Variants in OTULIN observed in about 807,000 individuals in gnomAD.
The protein encoded by OTULIN is ubiquitin thioesterase otulin.
Under a neutral mutation model 39.6 loss-of-function variants are expected in OTULIN, and 15 were observed. The ratio of observed to expected loss-of-function variants is 0.38; its 90% confidence interval spans 0.25 to 0.58. The LOEUF is 0.58. Ranked by LOEUF, OTULIN falls within the 20% of genes least tolerant of loss-of-function variation. OTULIN has a pLI of 0.66. For missense variants in OTULIN, 319 were observed against 445.9 expected, an observed-to-expected ratio of 0.72 and a Z score of 2.56; for synonymous variants, 156 against 170.3, an observed-to-expected ratio of 0.92 and a Z score of 0.65.
chr5:14,702,210 G>A (rs1373753352), downstream of OTULIN, among the ~76,000 whole-genome samples: 1 of 152,204 alleles, frequency 6.6e-6, no homozygotes, highest in Non-Finnish European at 1.5e-5. Flanking sequence ...GGGTGCTCCT[G>A]TGACTCCTCT....
intron 4 of OTULIN, among the ~76,000 whole-genome samples, chr5:14,685,244 C>T (rs1354256781): frequency 1.3e-5 from 2 of 152,166 alleles, no homozygotes; most frequent in Non-Finnish European, 2.9e-5. Flanking sequence ...TATTTGCTTT[C>T]TGTTGTGGTA....
At position 14,664,975 on chromosome 5, in the gene OTULIN, G is replaced by A. The variant is rs1458926384; in HGVS notation, c.150G>A (p.Glu50=). Residue 50 remains glutamate, a splice_region_variant and synonymous_variant, in exon 1 of 7, where the codon GAG becomes GAA. Transcript: ENST00000284274. ...GGCCCGAGATGCAGTGCCCGGCCGA[G>A]CAGTGAGTCCGCGGGGGCGCGGGGC... ...QPRPEMQCPA[E]HEEDMYRAAD... The A allele has an allele frequency of 2.8e-6, 3 of 1,079,396 alleles. No individual in the cohort carries two copies. Among genetic ancestry groups the A allele is most frequent in the Non-Finnish European group, 3.4e-6 (3 of 891,572 alleles). The allele number at this position is 1,079,396 out of a possible 1,614,324, so 66.9% of individuals were successfully genotyped here. A position where few individuals can be genotyped will look rare whatever the true frequency, so the allele number is the denominator to read the frequency against.
intron 1 of OTULIN, among the ~76,000 whole-genome samples, chr5:14,668,517 C>G (rs1735905888): frequency 6.6e-6 from 1 of 152,186 alleles, no homozygotes; most frequent in Non-Finnish European, 1.5e-5. Context: ...TTTGCTTTTC[C>G]TGTGCCTGTG....
At chr5:14,684,326 C>T (rs1736331548) in intron 4 of OTULIN, among the ~76,000 whole-genome samples, 2 of 152,256 alleles carry the variant, frequency 1.3e-5, no homozygotes, top group Non-Finnish European at 2.9e-5. Flanking sequence ...GCTGTTCCAG[C>T]CCTCAGCAAT....
At chr5:14,706,788 A>C in the OTULIN span, 1 of 152,200 alleles carries the variant, frequency 6.6e-6, no homozygotes, top group Non-Finnish European at 1.5e-5. Flanking sequence ...ATAGAGATTC[A>C]AAATAACCAC....
the OTULIN span, chr5:14,711,393 G>A: frequency 8.3e-7 from 1 of 1,203,594 alleles, no homozygotes; most frequent in Admixed American, 1.7e-5. Context: ...ACAACACCGG[G>A]GTCTTGGGGG....
chr5:14,666,322 G>A (rs1735843482), intron 1 of OTULIN, among the ~76,000 whole-genome samples: 1 of 152,200 alleles, frequency 6.6e-6, no homozygotes, highest in Non-Finnish European at 1.5e-5. Flanking sequence ...TAGGAAGAGT[G>A]CTCTTTCTTG....
intron 2 of OTULIN, 28 bp from the exon 3 acceptor site, chr5:14,678,652 GC>G: frequency 8.0e-7 from 1 of 1,242,392 alleles, no homozygotes. Context: ...TTTATTATTT[GC>G]TTTTTTTTTT....
downstream of OTULIN, among the ~76,000 whole-genome samples, chr5:14,702,005 G>C (rs1313121769): frequency 6.6e-6 from 1 of 152,194 alleles, no homozygotes; most frequent in Non-Finnish European, 1.5e-5. Flanking sequence ...GGAAACACTC[G>C]AGCCTCGTGG....
Position 14,664,852 on chromosome 5 carries a change from C to T in OTULIN, c.27C>T (p.Pro9=). MSRGTMPQ[P]EAWPGASCAE... ...TGAGTCGGGGGACTATGCCCCAGCCCGAAGCGTGGCCAGGCGCGAGCTGCG... is the reference window on the plus strand; with the variant it reads ...TGAGTCGGGGGACTATGCCCCAGCCTGAAGCGTGGCCAGGCGCGAGCTGCG... Residue 9 remains proline (P), a synonymous_variant, in exon 1 of 7, where the codon CCC becomes CCT. Transcript: ENST00000284274. The T allele has an allele frequency of 1.6e-5, 19 of 1,212,338 alleles. No individual in the cohort carries two copies. The highest frequency in any genetic ancestry group is 1.8e-5 in the Non-Finnish European group (18 of 974,666). The allele number at this position is 1,212,338 out of a possible 1,614,324, so 75.1% of individuals were successfully genotyped here. A position where few individuals can be genotyped will look rare whatever the true frequency, so the allele number is the denominator to read the frequency against.
downstream of OTULIN, among the ~76,000 whole-genome samples, chr5:14,701,111 C>G (rs1736787936): frequency 1.3e-5 from 2 of 152,214 alleles, no homozygotes; most frequent in Admixed American, 1.3e-4. Context: ...TGTTCTCATT[C>G]TCTCATGGGG....
chr5:14,708,467 T>A, the OTULIN span: 2 of 152,192 alleles, frequency 1.3e-5, no homozygotes, highest in African/African-American at 4.8e-5. Context: ...TTTGGGGGAA[T>A]GTTTCTTTGG....
chr5:14,667,772 G>T (rs77827753), intron 1 of OTULIN, among the ~76,000 whole-genome samples: 15,517 of 152,182 alleles, frequency 0.1, 882 homozygotes, highest in African/African-American at 0.16. Context: ...AGCTGTGGTT[G>T]GCTCACATCT....
At chr5:14,711,459 C>T in the OTULIN span, 2 of 678,388 alleles carry the variant, frequency 2.9e-6, no homozygotes, top group South Asian at 3.4e-5. Flanking sequence ...ACCTCTTTTG[C>T]ATCTTAGCTC....
chr5:14,673,878 C>T, intron 2 of OTULIN, 160 bp downstream of exon 2: 1 of 502,886 alleles, frequency 2.0e-6, no homozygotes, highest in South Asian at 3.3e-5. Flanking sequence ...GAGACTGTTT[C>T]CTGAGGCTTT....
chr5:14,665,086 T>G (rs1240918771), intron 1 of OTULIN, 109 bp downstream of exon 1: 33 of 873,754 alleles, frequency 3.8e-5, no homozygotes, highest in Non-Finnish European at 4.6e-5. Flanking sequence ...GCGTCTTCAA[T>G]TCTGAGTGAG....
At chr5:14,706,559 A>G in the OTULIN span, 1 of 152,170 alleles carries the variant, frequency 6.6e-6, no homozygotes, top group Non-Finnish European at 1.5e-5. Context: ...AGTATACTAT[A>G]TATTTGTGAC....
In OTULIN at chr5:14,697,659, A is replaced by C. The variant is rs1286900510; in HGVS notation, c.*4611A>C. 2 of 152,154 alleles carry C rather than the reference A, an allele frequency of 1.3e-5. No homozygotes were observed. The highest frequency in any genetic ancestry group is 2.4e-5 in the African/African-American group (1 of 41,416). 9.4% of individuals were successfully genotyped at this position (152,154 alleles called of 1,614,324 possible). On this transcript the variant is annotated 3_prime_UTR_variant, in exon 7 of 7. Coordinates refer to ENST00000284274, the MANE Select transcript of OTULIN (RefSeq NM_138348.6). ...GTGTGTGGTCCCAGACCTCATGGCC[A>C]CCAGTTTGTTTAAGCATTGTGAATG... is the stretch of plus-strand genomic sequence containing the variant.
rs1049193086 is a variant in OTULIN, at chr5:14,694,016, T to C, written c.*968T>C. On this transcript the variant is annotated 3_prime_UTR_variant, in exon 7 of 7. Transcript: ENST00000284274. ...GAGGAGGAACCAAAGGCCAAATTAC[T>C]TTGAGGTAGGGCTTAGCTGGACCTG... 1 of 152,268 alleles carries C rather than the reference T, an allele frequency of 6.6e-6. No homozygotes were observed. Among genetic ancestry groups the C allele is most frequent in the Admixed American group, 6.5e-5 (1 of 15,288 alleles). The allele number at this position is 152,268 out of a possible 1,614,324, so 9.4% of individuals were successfully genotyped here. A position where few individuals can be genotyped will look rare whatever the true frequency, so the allele number is the denominator to read the frequency against.
Sources: allele counts gnomAD v4.1 joint callset (sites outside exome capture counted in the v4.1 genomes callset), GRCh38; gene constraint gnomAD v4.1.1; transcripts MANE v1.5; gene names NCBI Gene and HGNC (gene_info 2026-07-23, HGNC 2026-07-21).